Variants in TMCC2 observed in about 807,000 individuals in gnomAD.
TMCC2 encodes transmembrane and coiled-coil domains protein 2.
Under a neutral mutation model 49.4 loss-of-function variants are expected in TMCC2, and 16 were observed. The ratio of observed to expected loss-of-function variants is 0.32; its 90% CI spans 0.22 to 0.49. TMCC2 has a LOEUF of 0.49. Among genes scored for constraint, TMCC2 ranks in the 20% least tolerant of loss-of-function variants. TMCC2 has a pLI of 0.99. For missense variants in TMCC2, 762 were observed against 989.8 expected (o/e 0.77, Z 3.09); for synonymous variants, 397 against 434.1 (o/e 0.91, Z 1.06).
Position 205,241,072 on chromosome 1 carries a change from T to C in TMCC2, c.208-433T>C, listed in dbSNP as rs1306095300. Among the ~76,000 whole-genome samples the C allele has an allele frequency of 6.6e-6, 1 of 152,178 alleles. No individual in the cohort carries two copies. Among genetic ancestry groups the C allele is most frequent in the African/African-American group, 2.4e-5 (1 of 41,440 alleles). On this transcript the variant is annotated intron_variant, in intron 1 of 4. Transcript: ENST00000358024. The surrounding 1 kb of genome is among the most constrained non-coding windows in gnomAD (Gnocchi z 7.3). ...ATTAGGCAACTTTGGAAATCGATGC[T>C]TGGTGGCCTGAAAGAACTAGTACAG... is the stretch of plus-strand genomic sequence containing the variant.
chr1:205,262,310 G>A (rs1374392010), intron 2 of TMCC2, among the ~76,000 whole-genome samples: 1 of 152,194 alleles, frequency 6.6e-6, no homozygotes, highest in Non-Finnish European at 1.5e-5. Context: ...AGGACTCCCA[G>A]GCTGGAATCT....
chr1:205,239,276 C>G (rs1660176159), intron 1 of TMCC2, among the ~76,000 whole-genome samples: 1 of 152,216 alleles, frequency 6.6e-6, no homozygotes, highest in African/African-American at 2.4e-5. Context: ...CTGGCCCCAT[C>G]ACAGTGTCTG....
chr1:205,231,331 C>T (rs1659790445), intron 1 of TMCC2, among the ~76,000 whole-genome samples: 1 of 152,050 alleles, frequency 6.6e-6, no homozygotes, highest in African/African-American at 2.4e-5. Context: ...GAGTCTTGCT[C>T]TGTCACTCAG....
At chr1:205,256,410 G>T in intron 2 of TMCC2, 1 of 1,550,988 alleles carries the variant, frequency 6.4e-7, no homozygotes, top group East Asian at 2.4e-5. Flanking sequence ...AGGAGGAAGA[G>T]ACTGCTGTGA....
At chr1:205,255,989 C>T (rs981805351) in intron 2 of TMCC2, among the ~76,000 whole-genome samples, 3 of 152,180 alleles carry the variant, frequency 2.0e-5, no homozygotes, top group African/African-American at 7.2e-5. Flanking sequence ...AACCCCAAGT[C>T]ATCAGCCAAC....
At chr1:205,255,404 A>G (rs1660824304) in intron 2 of TMCC2, among the ~76,000 whole-genome samples, 1 of 151,878 alleles carries the variant, frequency 6.6e-6, no homozygotes, top group South Asian at 2.1e-4. Flanking sequence ...AAAATACAAA[A>G]ATTAGCTGGG....
rs1398093208 is a variant in TMCC2, at chr1:205,264,870, GA to G, written c.748-4078del. On this transcript the variant is annotated intron_variant, in intron 2 of 4. Transcript: ENST00000358024. This position sits in a 1 kb window ranked among gnomAD's most constrained non-coding sequence, Gnocchi z 4.2. Reference sequence around the variant, plus strand: ...CATGGATGTGGAATTCTCAGATACAGAAGGCTAACTATAATTGTTATCCTTA... The same window carrying G: ...CATGGATGTGGAATTCTCAGATACAGAGGCTAACTATAATTGTTATCCTTA... Among the ~76,000 whole-genome samples, 1 of 152,192 alleles carries G rather than the reference GA, an allele frequency of 6.6e-6. No individual in the cohort carries two copies. The highest frequency in any genetic ancestry group is 2.4e-5 in the African/African-American group (1 of 41,438).
At chr1:205,256,554 CAGA>C in intron 2 of TMCC2, 3 of 898,062 alleles carry the variant, frequency 3.3e-6, no homozygotes, top group Non-Finnish European at 5.3e-6. Flanking sequence ...GATCTCAGGG[CAGA>C]AGAATTCCCC....
chr1:205,252,324 G>A (rs1660699386), intron 2 of TMCC2, among the ~76,000 whole-genome samples: 1 of 152,196 alleles, frequency 6.6e-6, no homozygotes, highest in Non-Finnish European at 1.5e-5. Context: ...TGTGGGTGCT[G>A]CCCTGCAGCT....
rs762041861 is a variant in TMCC2 at position 205,269,136 on chromosome 1, G to A, written c.934G>A (p.Asp312Asn). The change falls in exon 3 of 5, where the codon GAC becomes AAC. Residue 312 changes from aspartate (D) to asparagine (N), a missense_variant. Around this residue, in one of 2 missense-constraint regions of TMCC2, gnomAD observed 440 missense variants for 636.7 expected, o/e 0.69. Coordinates refer to ENST00000358024, the MANE Select transcript of TMCC2 (RefSeq NM_014858.4). The stretch of plus-strand genomic sequence containing the variant: ...CAAGATTGAGCAGGAGGCTCGCGAC[G>A]ACAATGTGGCAGAGTATCTGAAACT... ...QIKIEQEARDDNVAEYLKLAN... is the reference protein window; with the variant it reads ...QIKIEQEARDNNVAEYLKLAN... 7 of 1,613,990 alleles carry A rather than the reference G, an allele frequency of 4.3e-6. No individual in the cohort carries two copies. The highest frequency in any genetic ancestry group is 1.7e-5 in the Admixed American group (1 of 60,008).
chr1:205,261,087 C>G (rs962581770), intron 2 of TMCC2, among the ~76,000 whole-genome samples: 2 of 151,764 alleles, frequency 1.3e-5, no homozygotes, highest in Admixed American at 1.3e-4. Flanking sequence ...TCTATGTTAA[C>G]TTTTTGAGGA....
At chr1:205,252,249 G>A (rs1424808004) in intron 2 of TMCC2, among the ~76,000 whole-genome samples, 8 of 152,180 alleles carry the variant, frequency 5.3e-5, no homozygotes, top group African/African-American at 1.9e-4. Flanking sequence ...GATGGGCAGA[G>A]GACCAGCAGG....
intron 1 of TMCC2, chr1:205,229,036 T>C (rs1003491271): frequency 3.0e-6 from 4 of 1,320,290 alleles, no homozygotes; most frequent in Non-Finnish European, 3.9e-6. Flanking sequence ...GTTTGAATAA[T>C]GTGTGAAGTG....
intron 2 of TMCC2, chr1:205,268,190 C>G (rs1661425272): frequency 2.0e-6 from 1 of 498,334 alleles, no homozygotes; most frequent in Non-Finnish European, 2.6e-6. Flanking sequence ...GAGGGAGAGG[C>G]CTGCTCAAGG....
intron 1 of TMCC2, among the ~76,000 whole-genome samples, chr1:205,240,808 G>T (rs1012621868): frequency 3.3e-5 from 5 of 152,188 alleles, no homozygotes; most frequent in African/African-American, 9.7e-5. Flanking sequence ...CCTTTATCAG[G>T]AAAGCAAAAG....
rs531934808 is a variant in TMCC2 at position 205,257,379 on chromosome 1, G to T, written c.748-11571G>T. ...AGTGCCCACACAGGTGAGGCGTCTG[G>T]TGGGTGGAAGGAGAGAATTTCACCG... On this transcript the variant is annotated intron_variant, in intron 2 of 4. Coordinates refer to ENST00000358024, the MANE Select transcript of TMCC2 (RefSeq NM_014858.4). 2.4e-6 allele frequency: 3 copies of T among 1,232,354 alleles called. No individual in the cohort carries two copies. The African/African-American group carries it at 4.6e-5, about 19-fold the overall frequency. The allele number at this position is 1,232,354 out of a possible 1,614,324, so 76.3% of individuals were successfully genotyped here.
chr1:205,258,769 A>G (rs7531646), intron 2 of TMCC2, among the ~76,000 whole-genome samples: 15,635 of 152,186 alleles, frequency 0.1, 2,662 homozygotes, highest in African/African-American at 0.35. Context: ...TTCTCTCCCA[A>G]CTTTACCGTA....
chr1:205,244,795 A>G (rs1452672074), intron 2 of TMCC2, among the ~76,000 whole-genome samples: 2 of 151,976 alleles, frequency 1.3e-5, no homozygotes, highest in Admixed American at 1.3e-4. Context: ...GCAGAGAAGG[A>G]GGTGGGGATA....
rs780066492 is a variant in TMCC2, at chr1:205,269,384, C to T, written c.1182C>T (p.Gly394=). ...LKDVGANVRA[G]ISGFGGGVVE... ...ACGTGGGCGCCAACGTGCGCGCAGG[C>T]ATCAGCGGCTTTGGGGGCGGCGTGG... Residue 394 remains glycine, a synonymous_variant, in exon 3 of 5, where the codon GGC becomes GGT. Coordinates refer to ENST00000358024, the MANE Select transcript of TMCC2 (RefSeq NM_014858.4). 6.2e-7 allele frequency: 1 copy of T among 1,609,434 alleles called. No homozygotes were observed. Among genetic ancestry groups the T allele is most frequent in the South Asian group, 1.1e-5 (1 of 90,954 alleles).
Sources: allele counts gnomAD v4.1 joint callset (sites outside exome capture counted in the v4.1 genomes callset), GRCh38; gene constraint gnomAD v4.1.1; regional missense constraint gnomAD v4.1.1; non-coding constraint Gnocchi (gnomAD v3.1); transcripts MANE v1.5; gene names NCBI Gene and HGNC (gene_info 2026-07-23, HGNC 2026-07-21).